Variants in LYSMD2 observed in about 807,000 individuals in gnomAD.
LYSMD2 encodes the protein lysM and putative peptidoglycan-binding domain-containing protein 2.
A neutral mutation model predicts 17.7 loss-of-function variants in LYSMD2; 6 were observed. The observed-to-expected ratio is 0.34, with a 90% CI of 0.19 to 0.67. The LOEUF is 0.67. LYSMD2 is among the 30% of genes least tolerant of loss of function. LYSMD2 has a pLI of 0.69. For synonymous variants in LYSMD2, 102 were observed against 129.8 expected (o/e 0.79, Z 1.45); for missense variants, 237 against 286.7 (o/e 0.83, Z 1.25).
intron 1 of LYSMD2, among the ~76,000 whole-genome samples, chr15:51,749,624 ACT>A (rs1264169777): frequency 6.6e-6 from 1 of 152,090 alleles, no homozygotes; most frequent in East Asian, 1.9e-4. Flanking sequence ...CACCTTTGCT[ACT>A]CTTTCTTCCA....
intron 1 of LYSMD2, among the ~76,000 whole-genome samples, chr15:51,735,895 A>G (rs915811362): frequency 1.3e-5 from 2 of 152,252 alleles, no homozygotes; most frequent in Non-Finnish European, 2.9e-5. Context: ...GTAAGGCAAG[A>G]TGCCTGAAAA....
In LYSMD2 at chr15:51,727,766, C is replaced by A. The variant is rs189984511; in HGVS notation, c.274-2645G>T. 2.8e-4 allele frequency among the ~76,000 whole-genome samples: 42 copies of A among 152,302 alleles called. 2 individuals carry two copies. Among genetic ancestry groups the A allele is most frequent in the Admixed American group, 2.5e-3 (39 of 15,302 alleles). On this transcript the variant is annotated intron_variant, in intron 1 of 2. Coordinates refer to ENST00000267838, the MANE Select transcript of LYSMD2 (RefSeq NM_153374.3). Reference sequence around the variant, plus strand: ...TGACTCACTATAACTGGTCCACAAGCTTCCTAAAGTCAGGGGCTCCACTGT... The same window carrying A: ...TGACTCACTATAACTGGTCCACAAGATTCCTAAAGTCAGGGGCTCCACTGT...
chr15:51,742,935 C>T (rs1467205528), intron 1 of LYSMD2, among the ~76,000 whole-genome samples: 1 of 152,084 alleles, frequency 6.6e-6, no homozygotes. Context: ...GCAGTCCAGC[C>T]GGGGGGACAC....
At chr15:51,725,264 G>A (rs1484412787) in intron 1 of LYSMD2, 143 bp from the exon 2 acceptor site, 9 of 558,318 alleles carry the variant, frequency 1.6e-5, no homozygotes, top group Non-Finnish European at 2.8e-5. Flanking sequence ...TTCAGGTTTG[G>A]TAACCTCCCC....
chr15:51,732,154 G>A (rs1157013459), intron 1 of LYSMD2, among the ~76,000 whole-genome samples: 1 of 152,170 alleles, frequency 6.6e-6, no homozygotes. Context: ...ATTTGAGAAT[G>A]AGCCTCAAAC....
intron 1 of LYSMD2, among the ~76,000 whole-genome samples, chr15:51,746,311 A>G (rs2055667178): frequency 6.6e-6 from 1 of 152,236 alleles, no homozygotes; most frequent in Non-Finnish European, 1.5e-5. Flanking sequence ...ACATGGATGA[A>G]CCCTAAAAAT....
At chr15:51,731,161 G>A (rs1444599427) in intron 1 of LYSMD2, among the ~76,000 whole-genome samples, 1 of 152,134 alleles carries the variant, frequency 6.6e-6, no homozygotes, top group Non-Finnish European at 1.5e-5. Context: ...TTCCAACAAT[G>A]GCCTCACAAC....
At chr15:51,736,660 T>G (rs2055611026) in intron 1 of LYSMD2, among the ~76,000 whole-genome samples, 1 of 152,194 alleles carries the variant, frequency 6.6e-6, no homozygotes, top group Admixed American at 6.5e-5. Context: ...TGAAACAATT[T>G]GTTCCCTCAG....
At chr15:51,731,198 A>G (rs1209212957) in intron 1 of LYSMD2, among the ~76,000 whole-genome samples, 1 of 152,224 alleles carries the variant, frequency 6.6e-6, no homozygotes, top group African/African-American at 2.4e-5. Flanking sequence ...AAGTCATCGA[A>G]TCGTACACTT....
chr15:51,738,515 A>G (rs1017076749), upstream of LYSMD2, among the ~76,000 whole-genome samples: 2 of 152,060 alleles, frequency 1.3e-5, no homozygotes, highest in African/African-American at 4.8e-5. Context: ...TATAACCACC[A>G]AAGACCTCTT....
intron 1 of LYSMD2, among the ~76,000 whole-genome samples, chr15:51,745,018 A>C (rs2055660446): frequency 6.6e-6 from 1 of 152,184 alleles, no homozygotes; most frequent in South Asian, 2.1e-4. Flanking sequence ...AACTTAAATA[A>C]AGTGAATGAA....
chr15:51,734,108 G>A (rs1171678571), intron 1 of LYSMD2, among the ~76,000 whole-genome samples: 4 of 152,058 alleles, frequency 2.6e-5, no homozygotes, highest in Admixed American at 6.5e-5. Context: ...GCTTGAACCC[G>A]GGAGGCGGAG....
At chr15:51,733,663 T>A (rs746362141) in intron 1 of LYSMD2, among the ~76,000 whole-genome samples, 1 of 152,120 alleles carries the variant, frequency 6.6e-6, no homozygotes, top group South Asian at 2.1e-4. Context: ...TATGAAAATG[T>A]GAGGCCCTTG....
chr15:51,751,267 G>A (rs767356709), intron 1 of LYSMD2: 1 of 702,278 alleles, frequency 1.4e-6, no homozygotes, highest in South Asian at 1.5e-5. Flanking sequence ...GGCGGGGTCT[G>A]TACCTGAGAC....
At chr15:51,748,743 G>T (rs1732367001) in intron 1 of LYSMD2, among the ~76,000 whole-genome samples, 1 of 152,176 alleles carries the variant, frequency 6.6e-6, no homozygotes, top group Admixed American at 6.5e-5. Context: ...CAGTTAAGAG[G>T]ATTCTATTCC....
At chr15:51,730,087 T>C (rs1306671041) in intron 1 of LYSMD2, among the ~76,000 whole-genome samples, 2 of 152,240 alleles carry the variant, frequency 1.3e-5, no homozygotes, top group African/African-American at 4.8e-5. Flanking sequence ...AATATGAATT[T>C]ACTGTCTGGT....
upstream of LYSMD2, chr15:51,738,121 A>T (rs1036208728): frequency 2.6e-5 from 4 of 151,164 alleles, no homozygotes; most frequent in African/African-American, 9.7e-5. Context: ...AGCTCTGCCA[A>T]TGCCAAGGGT....
At chr15:51,745,946 C>T (rs922387208) in intron 1 of LYSMD2, among the ~76,000 whole-genome samples, 4 of 152,100 alleles carry the variant, frequency 2.6e-5, no homozygotes, top group African/African-American at 9.7e-5. Flanking sequence ...TTTAAAAAGA[C>T]ATTAACGAGT....
At chr15:51,744,024 G>A (rs1260707712) in intron 1 of LYSMD2, among the ~76,000 whole-genome samples, 3 of 151,788 alleles carry the variant, frequency 2.0e-5, no homozygotes, top group African/African-American at 7.3e-5. Context: ...GTTTTAGGAG[G>A]GTTTTGAAGT....
Sources: allele counts gnomAD v4.1 joint callset (sites outside exome capture counted in the v4.1 genomes callset), GRCh38; gene constraint gnomAD v4.1.1; transcripts MANE v1.5; gene names NCBI Gene and HGNC (gene_info 2026-07-23, HGNC 2026-07-21).